Variants in MAGI1 observed in about 807,000 individuals in gnomAD.
The protein encoded by MAGI1 is membrane-associated guanylate kinase, WW and PDZ domain-containing protein 1.
MAGI1 carries 58 observed loss-of-function variants against 139.9 expected under a neutral mutation model. The observed-to-expected ratio is 0.41, with a 90% CI of 0.34 to 0.52. The LOEUF is 0.52. MAGI1 is among the 20% of genes least tolerant of loss of function. MAGI1 has a pLI of 0.12. For missense variants in MAGI1, 1,874 were observed against 1,901.6 expected, an observed-to-expected ratio of 0.99 and a Z score of 0.27; for synonymous variants, 812 against 737.9, an observed-to-expected ratio of 1.10 and a Z score of -1.63.
At chr3:65,604,351 T>C (rs955283919) in intron 2 of MAGI1, among the ~76,000 whole-genome samples, 3 of 152,144 alleles carry the variant, frequency 2.0e-5, no homozygotes, top group African/African-American at 7.2e-5. Context: ...TATATATTGA[T>C]ATTAATATAT....
chr3:65,691,649 G>C (rs1020426539), intron 1 of MAGI1, among the ~76,000 whole-genome samples: 3 of 152,118 alleles, frequency 2.0e-5, no homozygotes, highest in African/African-American at 7.2e-5. Flanking sequence ...GTCTACTGCT[G>C]TATTGAGAAA....
chr3:65,590,014 C>T (rs574543458), intron 2 of MAGI1, among the ~76,000 whole-genome samples: 1 of 152,126 alleles, frequency 6.6e-6, no homozygotes, highest in Non-Finnish European at 1.5e-5. Flanking sequence ...CCCAGAAACA[C>T]CAGCCTCTTA....
At chr3:65,950,098 A>C (rs1264707170) in intron 1 of MAGI1, among the ~76,000 whole-genome samples, 2 of 89,598 alleles carry the variant, frequency 2.2e-5, no homozygotes, top group African/African-American at 8.1e-5. Flanking sequence ...AACAAACAAA[A>C]AAAAAAAACA....
chr3:65,355,439 A>AGG lies in MAGI1; in HGVS notation c.*937_*938dup, dbSNP rs1457677324. On this transcript the variant is annotated 3_prime_UTR_variant, in exon 23 of 23. Transcript: ENST00000402939. ...CAACCATGGGCTTCTACTAAAAGGG[A>AGG]GGGGGGCATGCTTTCCAAATTGGGG... 6.6e-6 allele frequency: 1 copy of AGG among 152,248 alleles called. No individual in the cohort carries two copies. The highest frequency in any genetic ancestry group is 2.4e-5 in the African/African-American group (1 of 41,420). The allele number at this position is 152,248 out of a possible 1,614,324, so 9.4% of individuals were successfully genotyped here.
chr3:65,984,221 G>A (rs976055951), intron 1 of MAGI1, among the ~76,000 whole-genome samples: 1 of 152,154 alleles, frequency 6.6e-6, no homozygotes. Flanking sequence ...TTGAAGCCAG[G>A]AGGCAGAGGT....
intron 16 of MAGI1, among the ~76,000 whole-genome samples, 195 bp downstream of exon 16, chr3:65,381,682 G>A (rs1433834533): frequency 2.6e-5 from 4 of 152,040 alleles, no homozygotes; most frequent in Admixed American, 6.5e-5. Context: ...ACATGCAAAC[G>A]GCACATTAAA....
chr3:65,934,419 T>C (rs908756302), intron 1 of MAGI1, among the ~76,000 whole-genome samples: 29 of 152,154 alleles, frequency 1.9e-4, no homozygotes, highest in African/African-American at 7.0e-4. Flanking sequence ...GAAGAAACAA[T>C]AGGTCGGATA....
intron 1 of MAGI1, among the ~76,000 whole-genome samples, chr3:66,035,288 C>G (rs2068855206): frequency 6.6e-6 from 1 of 152,002 alleles, no homozygotes; most frequent in African/African-American, 2.4e-5. Context: ...AGTAGAAAAA[C>G]AGAATTTTCT....
At chr3:65,765,371 C>A (rs780525588) in intron 1 of MAGI1, among the ~76,000 whole-genome samples, 1 of 152,188 alleles carries the variant, frequency 6.6e-6, no homozygotes, top group South Asian at 2.1e-4. Context: ...GGTTGTGGCA[C>A]TGGCGGGACA....
At chr3:65,965,158 A>C (rs1364412479) in intron 1 of MAGI1, among the ~76,000 whole-genome samples, 4 of 152,154 alleles carry the variant, frequency 2.6e-5, no homozygotes, top group African/African-American at 9.7e-5. Context: ...CTATTTGGTA[A>C]ATGTTCCATC....
chr3:65,440,991 C>T (rs1948285744), intron 8 of MAGI1, among the ~76,000 whole-genome samples: 1 of 151,876 alleles, frequency 6.6e-6, no homozygotes, highest in African/African-American at 2.4e-5. Context: ...GAGACAGTCT[C>T]TCTCTGTCAC....
intron 1 of MAGI1, among the ~76,000 whole-genome samples, chr3:65,762,160 C>T (rs1289761576): frequency 1.3e-5 from 2 of 152,112 alleles, no homozygotes; most frequent in African/African-American, 2.4e-5. Context: ...CAGCACCCAG[C>T]GCCTGCCAGG....
intron 1 of MAGI1, among the ~76,000 whole-genome samples, chr3:65,884,647 G>A (rs2060463233): frequency 6.6e-6 from 1 of 151,610 alleles, no homozygotes; most frequent in Admixed American, 6.6e-5. Flanking sequence ...TAGTTACATG[G>A]GTATATTGCA....
At chr3:65,515,774 T>C (rs911172398) in intron 2 of MAGI1, among the ~76,000 whole-genome samples, 17 of 152,338 alleles carry the variant, frequency 1.1e-4, no homozygotes, top group Middle Eastern at 3.4e-3. Flanking sequence ...TCAGGCTTCA[T>C]TGTAATCAAC....
intron 1 of MAGI1, among the ~76,000 whole-genome samples, chr3:65,769,608 A>G (rs938946504): frequency 6.6e-6 from 1 of 152,236 alleles, no homozygotes; most frequent in Non-Finnish European, 1.5e-5. Context: ...AAGGTGATGG[A>G]CATGCAATTG....
intron 1 of MAGI1, among the ~76,000 whole-genome samples, chr3:65,957,520 C>CA (rs761240940): frequency 0.16 from 4,823 of 30,572 alleles, 221 homozygotes; most frequent in East Asian, 0.25. Context: ...GACTTCATCT[C>CA]AAAAAAAAAA....
intron 1 of MAGI1, among the ~76,000 whole-genome samples, chr3:65,943,748 C>T (rs144704573): frequency 5.3e-5 from 8 of 152,192 alleles, no homozygotes; most frequent in African/African-American, 1.2e-4. Context: ...TTGAAAAACA[C>T]TGCTTTAGAT....
chr3:65,474,259 T>C (rs1950728655), intron 4 of MAGI1, among the ~76,000 whole-genome samples: 1 of 146,136 alleles, frequency 6.8e-6, no homozygotes, highest in Admixed American at 6.9e-5. Flanking sequence ...AACGAGACCC[T>C]GTCTCAAACA....
intron 1 of MAGI1, among the ~76,000 whole-genome samples, chr3:65,653,579 G>A (rs530231850): frequency 7.9e-5 from 12 of 152,230 alleles, no homozygotes; most frequent in Admixed American, 4.6e-4. Flanking sequence ...TATAAAACCC[G>A]AATCATTGAT....
Sources: gnomAD v4.1 joint callset for allele counts (sites outside exome capture counted in the v4.1 genomes callset) on GRCh38, gnomAD v4.1.1 for gene constraint, MANE v1.5 for transcripts, NCBI Gene and HGNC (gene_info 2026-07-23, HGNC 2026-07-21) for gene names.